The following TPST1 variants were observed in gnomAD, a reference collection of about 807,000 sequenced individuals.
TPST1 encodes tyrosylprotein sulfotransferase 1, also known as protein-tyrosine sulfotransferase 1.
In TPST1, 20 loss-of-function variants were observed where a neutral mutation model predicts 34.8. The ratio of observed to expected loss-of-function variants is 0.57; its 90% CI spans 0.40 to 0.84. The LOEUF (loss-of-function observed/expected upper bound fraction) is 0.84, where lower values mean the gene tolerates loss of function less well. TPST1 is among the 40% of genes least tolerant of loss of function. The pLI is 0.00. For missense variants in TPST1, 353 were observed against 455.5 expected, an observed-to-expected ratio of 0.78 and a Z score of 2.05; for synonymous variants, 152 against 159.4, an observed-to-expected ratio of 0.95 and a Z score of 0.35.
In TPST1 at chr7:66,248,865, C is replaced by T. The variant is rs1790206894; in HGVS notation, c.845+7595C>T. ...TAGGGTATGTCTTAGTCCATTTGGG[C>T]TGCTATAACAAAATACCACAAACTG... On this transcript the variant is annotated intron_variant, in intron 2 of 5. Coordinates refer to ENST00000304842, the MANE Select transcript of TPST1 (RefSeq NM_003596.4). Among the ~76,000 whole-genome samples the T allele has an allele frequency of 3.3e-5, 5 of 152,158 alleles. No individual in the cohort carries two copies. The South Asian group carries it at 1.0e-3, about 32-fold the overall frequency.
At position 66,321,072 on chromosome 7, in the gene TPST1, C is replaced by G. The variant is rs1049710339; in HGVS notation, c.1045-31433C>G. Among the ~76,000 whole-genome samples, 6 of 152,254 alleles carry G rather than the reference C, an allele frequency of 3.9e-5. No individual in the cohort carries two copies. The East Asian group carries it at 1.2e-3, about 29-fold the overall frequency. ...TATATTGGGAGTTCCCAAGACCACT[C>G]ATAGTAATCAGAAGTTATGATTATG... On this transcript the variant is annotated intron_variant, in intron 3 of 5. Transcript: ENST00000304842.
chr7:66,315,753 AG>A (rs1364817590), intron 3 of TPST1, among the ~76,000 whole-genome samples: 3 of 151,978 alleles, frequency 2.0e-5, no homozygotes, highest in African/African-American at 4.8e-5. Flanking sequence ...CGGAGGGAGT[AG>A]GGGTGATGGT....
intron 3 of TPST1, among the ~76,000 whole-genome samples, chr7:66,350,919 GACTT>G (rs2116381831): frequency 6.6e-6 from 1 of 151,878 alleles, no homozygotes; most frequent in South Asian, 2.1e-4. Context: ...TTAAACCACT[GACTT>G]AATTCATTTA....
intron 1 of TPST1, among the ~76,000 whole-genome samples, chr7:66,232,063 C>CT (rs1789808713): frequency 6.6e-6 from 1 of 152,068 alleles, no homozygotes; most frequent in South Asian, 2.1e-4. Context: ...GTTGTTTCTA[C>CT]TTTTTGGCTA....
At chr7:66,263,625 T>C (rs561870606) in intron 2 of TPST1, among the ~76,000 whole-genome samples, 1 of 152,334 alleles carries the variant, frequency 6.6e-6, no homozygotes, top group South Asian at 2.1e-4. Flanking sequence ...CTGTTGAATT[T>C]ATCATATTAC....
intron 3 of TPST1, among the ~76,000 whole-genome samples, chr7:66,342,475 C>A (rs1048817146): frequency 1.3e-5 from 2 of 152,188 alleles, no homozygotes; most frequent in Admixed American, 6.5e-5. Context: ...TGTGCTTTAC[C>A]AGAGCCTAAC....
At chr7:66,258,512 T>G (rs1394909709) in intron 2 of TPST1, among the ~76,000 whole-genome samples, 1 of 152,208 alleles carries the variant, frequency 6.6e-6, no homozygotes, top group African/African-American at 2.4e-5. Flanking sequence ...TGAATCTCTC[T>G]TATGTGTGAG....
chr7:66,212,119 T>C (rs1475144456), intron 1 of TPST1, among the ~76,000 whole-genome samples: 1 of 152,248 alleles, frequency 6.6e-6, no homozygotes, highest in Non-Finnish European at 1.5e-5. Context: ...TAGAAGATAC[T>C]ATTTAAAATA....
intron 2 of TPST1, among the ~76,000 whole-genome samples, chr7:66,261,232 C>CTTTTTTTTTTT (rs36114007): frequency 1.3e-4 from 17 of 126,634 alleles, no homozygotes; most frequent in South Asian, 2.6e-4. Flanking sequence ...CGTATATTGT[C>CTTTTTTTTTTT]TTTTTTTTTT....
At chr7:66,273,036 A>G (rs1790735732) in intron 2 of TPST1, among the ~76,000 whole-genome samples, 1 of 152,220 alleles carries the variant, frequency 6.6e-6, no homozygotes, top group Non-Finnish European at 1.5e-5. Flanking sequence ...AGAAAGTCCT[A>G]AAGACTCCAC....
intron 2 of TPST1, among the ~76,000 whole-genome samples, chr7:66,275,604 A>G (rs1181365880): frequency 6.6e-6 from 1 of 152,234 alleles, no homozygotes; most frequent in Non-Finnish European, 1.5e-5. Context: ...CATTATTGTA[A>G]ATGAAATAAG....
chr7:66,349,819 C>A lies in TPST1; in HGVS notation c.1045-2686C>A, dbSNP rs536868807. Among the ~76,000 whole-genome samples the A allele has an allele frequency of 4.6e-5, 7 of 151,916 alleles. No homozygotes were observed. The East Asian group carries it at 5.8e-4, about 13-fold the overall frequency. ...AATCTGGTAAAAACAAAAACAACAA[C>A]AACAAAAAACCCAAAACAAATAAAA... On this transcript the variant is annotated intron_variant, in intron 3 of 5. Coordinates refer to ENST00000304842, the MANE Select transcript of TPST1 (RefSeq NM_003596.4).
chr7:66,222,662 C>G (rs954333318), intron 1 of TPST1, among the ~76,000 whole-genome samples: 1 of 151,920 alleles, frequency 6.6e-6, no homozygotes, highest in African/African-American at 2.4e-5. Context: ...GGAGGCAGCA[C>G]CATGAGCAGA....
intron 1 of TPST1, among the ~76,000 whole-genome samples, chr7:66,223,896 T>C (rs930521180): frequency 5.9e-5 from 9 of 152,196 alleles, no homozygotes; most frequent in South Asian, 2.1e-4. Context: ...TCATTTAACT[T>C]GAACCTTTAC....
At chr7:66,339,084 A>G (rs1792180637) in intron 3 of TPST1, among the ~76,000 whole-genome samples, 1 of 144,394 alleles carries the variant, frequency 6.9e-6, no homozygotes, top group South Asian at 2.3e-4. Context: ...AAATTGGCAA[A>G]CCTTTCAGAA....
At chr7:66,314,747 C>T (rs1014514545) in intron 3 of TPST1, among the ~76,000 whole-genome samples, 16 of 152,160 alleles carry the variant, frequency 1.1e-4, no homozygotes, top group African/African-American at 3.4e-4. Context: ...CAAAACTGTA[C>T]AGCTTGTTAC....
chr7:66,297,084 A>G (rs911836403), intron 3 of TPST1, among the ~76,000 whole-genome samples: 2 of 152,190 alleles, frequency 1.3e-5, no homozygotes, highest in Non-Finnish European at 2.9e-5. Context: ...AAGGACTCCT[A>G]TTAGCCACAA....
Position 66,265,578 on chromosome 7 carries a change from A to T in TPST1, c.846-20933A>T, listed in dbSNP as rs567174867. Among the ~76,000 whole-genome samples, 582 of 151,938 alleles carry T rather than the reference A, an allele frequency of 3.8e-3. 4 individuals carry two copies. Among genetic ancestry groups the T allele is most frequent in the Admixed American group, 9.6e-3 (147 of 15,250 alleles). ...AAAAAAAAAAAGAAAAAAGAAAAAA[A>T]GGGAAAGGGAAGTGAAATAGTGGCT... On this transcript the variant is annotated intron_variant, in intron 2 of 5. Coordinates refer to ENST00000304842, the MANE Select transcript of TPST1 (RefSeq NM_003596.4).
intron 3 of TPST1, among the ~76,000 whole-genome samples, chr7:66,345,441 T>C (rs1467907460): frequency 7.8e-6 from 1 of 128,390 alleles, no homozygotes; most frequent in African/African-American, 3.1e-5. Flanking sequence ...TGCAGTGAGC[T>C]GGGCACCACT....
Sources: allele counts gnomAD v4.1 joint callset (sites outside exome capture counted in the v4.1 genomes callset), GRCh38; gene constraint gnomAD v4.1.1; transcripts MANE v1.5; gene names NCBI Gene and HGNC (gene_info 2026-07-23, HGNC 2026-07-21).